Variants in FDPS observed in about 807,000 individuals in gnomAD.
FDPS encodes farnesyl diphosphate synthase, also known as farnesyl pyrophosphate synthase.
FDPS carries 29 observed loss-of-function variants against 49.5 expected under a neutral mutation model. The observed-to-expected ratio is 0.59, with a 90% CI of 0.44 to 0.80. The LOEUF is 0.80. Among genes scored for constraint, FDPS ranks in the 30% least tolerant of loss-of-function variants. The pLI is 0.00. For synonymous variants in FDPS, 172 were observed against 206.4 expected (o/e 0.83, Z 1.43); for missense variants, 414 against 525.6 (o/e 0.79, Z 2.08).
chr1:155,317,800 C>T (rs1649644793), intron 4 of FDPS, 141 bp from the exon 5 acceptor site: 2 of 631,366 alleles, frequency 3.2e-6, no homozygotes, highest in African/African-American at 1.8e-5. Context: ...GCTGTGACTG[C>T]ACCACTGCAC....
At chr1:155,317,224 C>T (rs533283630) in intron 4 of FDPS, 2 of 152,290 alleles carry the variant, frequency 1.3e-5, no homozygotes, top group African/African-American at 4.8e-5. Flanking sequence ...GTGGGAATAG[C>T]CTTCTTTTAT....
intron 9 of FDPS, 32 bp from the exon 10 acceptor site, chr1:155,319,762 C>G (rs1332262010): frequency 6.2e-7 from 1 of 1,613,958 alleles, no homozygotes; most frequent in Non-Finnish European, 8.5e-7. Flanking sequence ...CCTCATCCTT[C>G]CTCTTTTGCT....
In FDPS at chr1:155,318,034, G is replaced by A; in HGVS notation, c.561+13G>A. ...CTGGTATCAGAAGGTAATGTGGGCA[G>A]GAAAATAGCAGTGGGTATGGGGACA... On this transcript the variant is annotated intron_variant, in intron 5 of 10. Coordinates refer to ENST00000368356, the MANE Select transcript of FDPS (RefSeq NM_002004.4). This position sits in a 1 kb window ranked among gnomAD's most constrained non-coding sequence, Gnocchi z 4.2. 1.2e-6 allele frequency: 2 copies of A among 1,613,984 alleles called. No individual in the cohort carries two copies. Among genetic ancestry groups the A allele is most frequent in the Non-Finnish European group, 1.7e-6 (2 of 1,179,872 alleles).
At chr1:155,312,139 T>C in intron 3 of FDPS, 116 bp from the exon 4 acceptor site, 1 of 1,157,118 alleles carries the variant, frequency 8.6e-7, no homozygotes, top group South Asian at 1.4e-5. Flanking sequence ...GAAGAGGAGT[T>C]GGGGTTGGGG....
At chr1:155,314,335 C>T (rs936959594) in intron 4 of FDPS, among the ~76,000 whole-genome samples, 1 of 151,506 alleles carries the variant, frequency 6.6e-6, no homozygotes, top group Non-Finnish European at 1.5e-5. Context: ...ACTACAGGAG[C>T]GAGCCTCTAC....
chr1:155,309,680 T>C (rs1648576888), intron 1 of FDPS, 109 bp from the exon 2 acceptor site: 1 of 1,003,058 alleles, frequency 1.0e-6, no homozygotes, highest in Non-Finnish European at 1.4e-6. Context: ...AGGGGCACTC[T>C]GGGCTAAGGC....
At chr1:155,311,977 A>G (rs1165182736) in intron 3 of FDPS, among the ~76,000 whole-genome samples, 3 of 151,970 alleles carry the variant, frequency 2.0e-5, no homozygotes, top group African/African-American at 4.8e-5. Context: ...ATCTCAAAAA[A>G]ATAAATAAAT....
rs182430794 is a variant in FDPS, at chr1:155,314,636, G to A, written c.480+2241G>A. On this transcript the variant is annotated intron_variant, in intron 4 of 10. Coordinates refer to ENST00000368356, the MANE Select transcript of FDPS (RefSeq NM_002004.4). Reference sequence around the variant, plus strand: ...ACTACAGGTGCCTACCACCACGCCCGGCTTTTTAAATAGTTTTTTGGTAGA... The same window carrying A: ...ACTACAGGTGCCTACCACCACGCCCAGCTTTTTAAATAGTTTTTTGGTAGA... Among the ~76,000 whole-genome samples the A allele has an allele frequency of 6.2e-4, 94 of 151,956 alleles. 2 individuals carry two copies. The East Asian group carries it at 9.3e-3, about 15-fold the overall frequency.
chr1:155,312,172 G>A, intron 3 of FDPS, 83 bp from the exon 4 acceptor site: 1 of 1,516,226 alleles, frequency 6.6e-7, no homozygotes, highest in African/African-American at 1.4e-5. Flanking sequence ...GGTGGTGGTT[G>A]GAAATGGGAG....
At chr1:155,312,723 G>C in intron 4 of FDPS, 1 of 219,890 alleles carries the variant, frequency 4.5e-6, no homozygotes, top group Non-Finnish European at 9.2e-6. Context: ...GCTGACACCT[G>C]CAATCCCAGC....
intron 10 of FDPS, 138 bp downstream of exon 10, chr1:155,320,066 G>C: frequency 2.0e-6 from 2 of 1,007,398 alleles, no homozygotes; most frequent in South Asian, 1.5e-5. Context: ...TTACAACTCT[G>C]TGTGTGTGCA....
intron 3 of FDPS, among the ~76,000 whole-genome samples, chr1:155,311,326 G>A (rs1237755271): frequency 1.3e-5 from 2 of 152,098 alleles, no homozygotes; most frequent in African/African-American, 4.8e-5. Flanking sequence ...GTGACATAGC[G>A]AGATGAAGTC....
chr1:155,316,247 C>T (rs568276014), intron 4 of FDPS, among the ~76,000 whole-genome samples: 1 of 152,108 alleles, frequency 6.6e-6, no homozygotes, highest in Admixed American at 6.5e-5. Context: ...GAGAGTGAAA[C>T]TCCATCTCAA....
intron 3 of FDPS, among the ~76,000 whole-genome samples, chr1:155,311,975 AAAATAAAT>A (rs569029572): frequency 6.6e-6 from 1 of 151,924 alleles, no homozygotes; most frequent in Non-Finnish European, 1.5e-5. Flanking sequence ...TCATCTCAAA[AAAATAAAT>A]AAATAAATAA....
At position 155,309,856 on chromosome 1, in the gene FDPS, C is replaced by T. The variant is rs767751356; in HGVS notation, c.67C>T (p.Arg23Trp). Residue 23 changes from arginine (R) to tryptophan (W), a missense_variant, in exon 2 of 11, where the codon CGG becomes TGG. Physicochemically the swap from Arg to Trp is moderately radical, Grantham distance 101. Coordinates refer to ENST00000368356, the MANE Select transcript of FDPS (RefSeq NM_002004.4). ...FLLPAPYWAPRERWLGSLRRP... is the reference protein window; with the variant it reads ...FLLPAPYWAPWERWLGSLRRP... ...GCTGCCAGCCCCCTACTGGGCACCCCGGGAGAGGTGGCTGGGTTCCCTACG... is the reference window on the plus strand; with the variant it reads ...GCTGCCAGCCCCCTACTGGGCACCCTGGGAGAGGTGGCTGGGTTCCCTACG... 4.8e-5 allele frequency: 76 copies of T among 1,587,646 alleles called. 2 individuals carry two copies. In the East Asian group the frequency reaches 1.3e-3, roughly 28 times the overall value.
intron 10 of FDPS, 175 bp from the exon 11 acceptor site, chr1:155,320,234 G>A: frequency 1.5e-6 from 1 of 665,084 alleles, no homozygotes; most frequent in South Asian, 1.9e-5. Context: ...GCAATATTTG[G>A]GATAGGGAAG....
rs139247941 is a variant in FDPS at position 155,312,640 on chromosome 1, G to T, written c.480+245G>T. The T allele has an allele frequency of 2.3e-5, 10 of 441,350 alleles. No individual in the cohort carries two copies. In the East Asian group the frequency reaches 3.8e-4, roughly 17 times the overall value. 27.3% of individuals were successfully genotyped at this position (441,350 alleles called of 1,614,324 possible). On this transcript the variant is annotated intron_variant, in intron 4 of 10. Coordinates refer to ENST00000368356, the MANE Select transcript of FDPS (RefSeq NM_002004.4). The stretch of plus-strand genomic sequence containing the variant: ...AGTGTGGACTGGGGCCTCGAGACTG[G>T]GCAGAGAGGTGTCAGCTCTTTCCTC...
Position 155,312,242 on chromosome 1 carries a change from C to T in FDPS, c.340-13C>T, listed in dbSNP as rs748441551. ...GGACCCTGATACCCTGTACCTCTTT[C>T]CTTGCCCTCCAGGTCCTGGAGTACA... is the stretch of plus-strand genomic sequence containing the variant. On this transcript the variant is annotated splice_polypyrimidine_tract_variant and intron_variant, in intron 3 of 10. Coordinates refer to ENST00000368356, the MANE Select transcript of FDPS (RefSeq NM_002004.4). The T allele has an allele frequency of 1.9e-6, 3 of 1,613,424 alleles. No homozygotes were observed. Among genetic ancestry groups the T allele is most frequent in the East Asian group, 2.2e-5 (1 of 44,882 alleles).
Position 155,318,837 on chromosome 1 carries a change from C to A in FDPS, c.774-19C>A. ...TGTGCATTGCCCTCCTGAGGAGTTT[C>A]TCTTCTCCCCTTACTCAGGTACAAA... On this transcript the variant is annotated intron_variant, in intron 7 of 10. Coordinates refer to ENST00000368356, the MANE Select transcript of FDPS (RefSeq NM_002004.4). The surrounding 1 kb of genome is among the most constrained non-coding windows in gnomAD (Gnocchi z 4.2). The A allele has an allele frequency of 1.2e-6, 2 of 1,608,748 alleles. No homozygotes were observed. Among genetic ancestry groups the A allele is most frequent in the Admixed American group, 3.3e-5 (2 of 59,986 alleles).
Sources: gnomAD v4.1 joint callset for allele counts (sites outside exome capture counted in the v4.1 genomes callset) on GRCh38, gnomAD v4.1.1 for gene constraint, Gnocchi (gnomAD v3.1) non-coding constraint, MANE v1.5 for transcripts, NCBI Gene and HGNC (gene_info 2026-07-23, HGNC 2026-07-21) for gene names.